Variants in SYNPR observed in about 807,000 individuals in gnomAD.
SYNPR encodes the protein synaptoporin.
In SYNPR, 23 loss-of-function variants were observed where a neutral mutation model predicts 32.9. That is an observed-to-expected ratio of 0.70 (90% CI 0.50 to 0.99). The LOEUF is 0.99. SYNPR is among the 50% of genes least tolerant of loss of function. SYNPR has a pLI of 0.00. For synonymous variants in SYNPR, 146 were observed against 135.9 expected, an observed-to-expected ratio of 1.07 and a Z score of -0.52; for missense variants, 318 against 349.3, an observed-to-expected ratio of 0.91 and a Z score of 0.71.
At position 63,525,589 on chromosome 3, in the gene SYNPR, C is replaced by G. The variant is rs192954366; in HGVS notation, c.210-30954C>G. On this transcript the variant is annotated intron_variant, in intron 3 of 5. Coordinates refer to ENST00000478300, the MANE Select transcript of SYNPR (RefSeq NM_001130003.2). Reference sequence around the variant, plus strand: ...TAGCCAGATCCAAAGCAGAGACAATCTGGGAGGAAGAAACAATAGACATTT... The same window carrying G: ...TAGCCAGATCCAAAGCAGAGACAATGTGGGAGGAAGAAACAATAGACATTT... Among the ~76,000 whole-genome samples, 96 of 152,306 alleles carry G rather than the reference C, an allele frequency of 6.3e-4. 1 individual carries two copies. In the East Asian group the frequency reaches 0.016, roughly 26 times the overall value.
chr3:63,356,682 C>T (rs1411721848), intron 2 of SYNPR, among the ~76,000 whole-genome samples: 2 of 152,202 alleles, frequency 1.3e-5, no homozygotes, highest in Non-Finnish European at 2.9e-5. Flanking sequence ...CAAATGGTCA[C>T]ACTCACCTTT....
At chr3:63,308,755 A>G (rs941240935) in intron 2 of SYNPR, among the ~76,000 whole-genome samples, 2 of 151,884 alleles carry the variant, frequency 1.3e-5, no homozygotes, top group Non-Finnish European at 2.9e-5. Flanking sequence ...TCTTCATCAT[A>G]TGCTTTGAAC....
chr3:63,335,314 C>G (rs1553869665), intron 2 of SYNPR, among the ~76,000 whole-genome samples: 1 of 142,106 alleles, frequency 7.0e-6, no homozygotes, highest in Non-Finnish European at 1.5e-5. Flanking sequence ...GACTGCGCCA[C>G]TGCACTCCAG....
chr3:63,254,183 G>C (rs190341794), intron 2 of SYNPR, among the ~76,000 whole-genome samples: 1 of 152,226 alleles, frequency 6.6e-6, no homozygotes, highest in East Asian at 1.9e-4. Context: ...TGGGGGGAGA[G>C]GGAAGGGATA....
chr3:63,352,809 G>A (rs915098210), intron 2 of SYNPR, among the ~76,000 whole-genome samples: 13 of 152,148 alleles, frequency 8.5e-5, no homozygotes, highest in Admixed American at 4.6e-4. Flanking sequence ...AGACAAGAAA[G>A]CATGTGTAGG....
chr3:63,555,217 G>C (rs1049602413), intron 3 of SYNPR, among the ~76,000 whole-genome samples: 2 of 142,992 alleles, frequency 1.4e-5, no homozygotes, highest in African/African-American at 5.0e-5. Flanking sequence ...ACTTGCCTGA[G>C]CGCTCTGGCT....
At chr3:63,270,886 TCCTTCCTTC>T (rs2086528586) in intron 3 of SYNPR, among the ~76,000 whole-genome samples, 2 of 88,614 alleles carry the variant, frequency 2.3e-5, no homozygotes, top group African/African-American at 8.2e-5. Context: ...CTTCCTTCCT[TCCTTCCTTC>T]CTTTTCTTTC....
At chr3:63,588,433 G>C (rs1703231750) in intron 4 of SYNPR, among the ~76,000 whole-genome samples, 1 of 151,998 alleles carries the variant, frequency 6.6e-6, no homozygotes, top group South Asian at 2.1e-4. Flanking sequence ...ATAATGCCCA[G>C]ATGTTTTGTG....
chr3:63,269,546 C>G (rs1009663851), intron 3 of SYNPR, among the ~76,000 whole-genome samples: 1 of 152,070 alleles, frequency 6.6e-6, no homozygotes. Flanking sequence ...AGCCACTCCT[C>G]TTTGGCTCTT....
chr3:63,576,022 C>A (rs1032208059), intron 4 of SYNPR, among the ~76,000 whole-genome samples: 1 of 152,098 alleles, frequency 6.6e-6, no homozygotes, highest in Non-Finnish European at 1.5e-5. Context: ...AAGTTACTAT[C>A]TTTAACTTTA....
chr3:63,316,749 T>C (rs1161512571), intron 2 of SYNPR, among the ~76,000 whole-genome samples: 1 of 152,004 alleles, frequency 6.6e-6, no homozygotes, highest in Non-Finnish European at 1.5e-5. Context: ...GCTCTGATCT[T>C]GGTAATTTCC....
At chr3:63,498,417 G>A (rs1249717830) in intron 3 of SYNPR, among the ~76,000 whole-genome samples, 1 of 152,076 alleles carries the variant, frequency 6.6e-6, no homozygotes, top group Non-Finnish European at 1.5e-5. Flanking sequence ...GGAAGGAAGG[G>A]AGAAAATAAA....
chr3:63,217,643 A>G, the SYNPR span, among the ~76,000 whole-genome samples: 2 of 150,712 alleles, frequency 1.3e-5, no homozygotes, highest in African/African-American at 4.9e-5. Context: ...GGTACCTCAG[A>G]TGGAAATGCA....
intron 2 of SYNPR, among the ~76,000 whole-genome samples, chr3:63,382,790 C>T (rs952691898): frequency 6.6e-6 from 1 of 152,148 alleles, no homozygotes; most frequent in African/African-American, 2.4e-5. Context: ...TATGTCCACT[C>T]CATCTTCCCT....
chr3:63,611,301 T>C (rs891190948), intron 5 of SYNPR, among the ~76,000 whole-genome samples: 1 of 152,200 alleles, frequency 6.6e-6, no homozygotes, highest in African/African-American at 2.4e-5. Flanking sequence ...TGGAAAGTTT[T>C]ACCTAACCTT....
the SYNPR span, among the ~76,000 whole-genome samples, chr3:63,210,343 T>A: frequency 3.3e-5 from 5 of 152,156 alleles, no homozygotes; most frequent in East Asian, 9.7e-4. Flanking sequence ...GCCAGCAGAG[T>A]CTTCACTGGA....
intron 5 of SYNPR, chr3:63,610,325 T>C (rs934591442): frequency 2.2e-6 from 1 of 445,186 alleles, no homozygotes; most frequent in African/African-American, 2.0e-5. Flanking sequence ...AGAAAGAAGC[T>C]GTATCTGAGA....
At chr3:63,467,583 T>G (rs1487992766) in intron 2 of SYNPR, among the ~76,000 whole-genome samples, 1 of 152,222 alleles carries the variant, frequency 6.6e-6, no homozygotes, top group Non-Finnish European at 1.5e-5. Flanking sequence ...TGATATGATG[T>G]CTGTAAAGCA....
chr3:63,224,876 C>T (rs775132256), upstream of SYNPR, among the ~76,000 whole-genome samples: 1 of 152,178 alleles, frequency 6.6e-6, no homozygotes, highest in Non-Finnish European at 1.5e-5. Flanking sequence ...AGGTAGATTG[C>T]CTGGACGACA....
Sources: gnomAD v4.1 joint callset for allele counts (sites outside exome capture counted in the v4.1 genomes callset) on GRCh38, gnomAD v4.1.1 for gene constraint, MANE v1.5 for transcripts, NCBI Gene and HGNC (gene_info 2026-07-23, HGNC 2026-07-21) for gene names.